Variants in SNTG1 observed in about 807,000 individuals in gnomAD.
SNTG1 encodes syntrophin gamma 1.
Under a neutral mutation model 74.7 loss-of-function variants are expected in SNTG1, and 39 were observed. The ratio of observed to expected loss-of-function variants is 0.52; its 90% CI spans 0.40 to 0.68. SNTG1 has a LOEUF of 0.68. Among genes scored for constraint, SNTG1 ranks in the 30% least tolerant of loss-of-function variants. SNTG1 has a pLI of 0.00. For synonymous variants in SNTG1, 254 were observed against 217.1 expected, an observed-to-expected ratio of 1.17 and a Z score of -1.49; for missense variants, 685 against 609.5, an observed-to-expected ratio of 1.12 and a Z score of -1.30.
intron 1 of SNTG1, among the ~76,000 whole-genome samples, chr8:50,155,275 C>T (rs758767793): frequency 6.6e-6 from 1 of 152,132 alleles, no homozygotes; most frequent in African/African-American, 2.4e-5. Context: ...CCCAGGTTCA[C>T]ATGATCAGTT....
At chr8:50,782,581 T>C (rs1030937636) in intron 18 of SNTG1, among the ~76,000 whole-genome samples, 5 of 152,166 alleles carry the variant, frequency 3.3e-5, no homozygotes, top group Non-Finnish European at 5.9e-5. Flanking sequence ...CTTCTCTGTA[T>C]TGGTTATTCT....
intron 2 of SNTG1, among the ~76,000 whole-genome samples, chr8:50,327,862 G>A (rs1384212383): frequency 1.3e-5 from 2 of 151,934 alleles, no homozygotes; most frequent in African/African-American, 4.8e-5. Flanking sequence ...TTTAGAGTTT[G>A]CAATATACAT....
At chr8:50,252,225 G>A (rs1253791274) in intron 2 of SNTG1, among the ~76,000 whole-genome samples, 1 of 151,888 alleles carries the variant, frequency 6.6e-6, no homozygotes, top group African/African-American at 2.4e-5. Flanking sequence ...TATAAGAAAA[G>A]TTTATAGCAA....
intron 12 of SNTG1, among the ~76,000 whole-genome samples, chr8:50,561,607 T>A (rs2094488855): frequency 6.6e-6 from 1 of 152,048 alleles, no homozygotes; most frequent in Non-Finnish European, 1.5e-5. Context: ...CTTAAATATA[T>A]CTAGATGGAA....
intron 2 of SNTG1, among the ~76,000 whole-genome samples, chr8:50,173,411 T>C (rs2082879870): frequency 1.3e-5 from 2 of 152,188 alleles, no homozygotes; most frequent in Non-Finnish European, 2.9e-5. Flanking sequence ...AGTATGGCTT[T>C]AGTAAGATTC....
chr8:50,079,338 T>TTGGCCACATAATTGTTGTTG (rs1177177577), intron 1 of SNTG1, among the ~76,000 whole-genome samples: 15 of 152,212 alleles, frequency 9.9e-5, no homozygotes, highest in Non-Finnish European at 1.8e-4. Flanking sequence ...CAAATGTTTG[T>TTGGCCACATAATTGTTGTTG]TGGCCACATA....
At chr8:50,074,907 C>T (rs938929300) in intron 1 of SNTG1, among the ~76,000 whole-genome samples, 7 of 152,156 alleles carry the variant, frequency 4.6e-5, no homozygotes, top group South Asian at 2.1e-4. Context: ...GCACTCGCGG[C>T]GCACGCGAGT....
At chr8:50,104,980 C>A (rs2080308809) in intron 1 of SNTG1, among the ~76,000 whole-genome samples, 2 of 152,042 alleles carry the variant, frequency 1.3e-5, no homozygotes, top group Admixed American at 6.6e-5. Flanking sequence ...TTCTTCCATT[C>A]TGTAGGTTGT....
chr8:50,427,294 C>T (rs1381456406), intron 4 of SNTG1, among the ~76,000 whole-genome samples: 4 of 151,838 alleles, frequency 2.6e-5, no homozygotes, highest in African/African-American at 9.7e-5. Context: ...GTAAGCTTTG[C>T]AGAAATGTAA....
At chr8:50,698,926 A>C (rs1452464650) in intron 15 of SNTG1, among the ~76,000 whole-genome samples, 2 of 152,190 alleles carry the variant, frequency 1.3e-5, no homozygotes, top group Non-Finnish European at 1.5e-5. Flanking sequence ...ATTTTCAGCC[A>C]GTCCCACAGC....
intron 11 of SNTG1, among the ~76,000 whole-genome samples, chr8:50,545,361 A>C (rs1046537981): frequency 3.3e-5 from 5 of 151,584 alleles, no homozygotes; most frequent in Non-Finnish European, 2.9e-5. Context: ...AGGGCATTAG[A>C]ATAAGAGATA....
At chr8:49,966,771 G>A (rs1811178319) in intron 1 of SNTG1, among the ~76,000 whole-genome samples, 1 of 152,048 alleles carries the variant, frequency 6.6e-6, no homozygotes, top group African/African-American at 2.4e-5. Flanking sequence ...TATTCCATTG[G>A]TAGTGAATTT....
intron 1 of SNTG1, among the ~76,000 whole-genome samples, chr8:50,028,118 G>C (rs1817424171): frequency 6.6e-6 from 1 of 152,092 alleles, no homozygotes; most frequent in South Asian, 2.1e-4. Flanking sequence ...TATATACACA[G>C]TCACACCCAC....
At chr8:50,086,435 T>C (rs959422686) in intron 1 of SNTG1, among the ~76,000 whole-genome samples, 1 of 152,118 alleles carries the variant, frequency 6.6e-6, no homozygotes, top group African/African-American at 2.4e-5. Context: ...ACAGAAGGGA[T>C]ATGTAGAAAA....
chr8:50,323,880 G>A (rs945953260), intron 2 of SNTG1, among the ~76,000 whole-genome samples: 1 of 152,102 alleles, frequency 6.6e-6, no homozygotes, highest in African/African-American at 2.4e-5. Flanking sequence ...AATTTACCAG[G>A]TGTTCTATTC....
chr8:50,348,773 T>G (rs1003727079), intron 2 of SNTG1, among the ~76,000 whole-genome samples: 5 of 152,224 alleles, frequency 3.3e-5, no homozygotes, highest in Admixed American at 2.6e-4. Flanking sequence ...TTTTTCCCCT[T>G]CTAGGGAAGG....
chr8:50,032,895 C>G (rs866826370), intron 1 of SNTG1, among the ~76,000 whole-genome samples: 1 of 152,068 alleles, frequency 6.6e-6, no homozygotes, highest in African/African-American at 2.4e-5. Flanking sequence ...TCTAAACTCA[C>G]AATAATCTGG....
chr8:50,432,893 C>T (rs531797326), intron 4 of SNTG1, among the ~76,000 whole-genome samples: 6 of 152,136 alleles, frequency 3.9e-5, no homozygotes, highest in Admixed American at 1.3e-4. Context: ...CTGGTTCAAA[C>T]GATTCTCCTG....
intron 1 of SNTG1, among the ~76,000 whole-genome samples, chr8:49,928,182 A>AATAAAT (rs1328680888): frequency 7.0e-6 from 1 of 142,810 alleles, no homozygotes; most frequent in Non-Finnish European, 1.5e-5. Flanking sequence ...TAAATAAATA[A>AATAAAT]AAATAAAAAA....
Sources: gnomAD v4.1 joint callset for allele counts (sites outside exome capture counted in the v4.1 genomes callset) on GRCh38, gnomAD v4.1.1 for gene constraint, MANE v1.5 for transcripts, NCBI Gene and HGNC (gene_info 2026-07-23, HGNC 2026-07-21) for gene names.